The following LUZP2 variants were observed in gnomAD, a reference collection of about 807,000 sequenced individuals.
The protein encoded by LUZP2 is leucine zipper protein 2.
In LUZP2, 52 loss-of-function variants were observed where a neutral mutation model predicts 51.6. That is an observed-to-expected ratio of 1.01 (90% CI 0.81 to 1.27). LUZP2 has a LOEUF of 1.27. Ranked by LOEUF, LUZP2 falls within the 50% of genes most tolerant of loss-of-function variation. The probability of loss-of-function intolerance (pLI) is 0.00; values close to 1 mark genes in which losing one functional copy is unlikely to be tolerated. For synonymous variants in LUZP2, 154 were observed against 137.3 expected (o/e 1.12, Z -0.85); for missense variants, 436 against 395.4 (o/e 1.10, Z -0.87).
intron 1 of LUZP2, among the ~76,000 whole-genome samples, chr11:24,568,583 A>G (rs956910947): frequency 2.6e-5 from 4 of 152,028 alleles, no homozygotes; most frequent in African/African-American, 9.7e-5. Flanking sequence ...GTTTAGAAAT[A>G]TGCTGTAATG....
intron 5 of LUZP2, among the ~76,000 whole-genome samples, chr11:24,779,591 T>C (rs1184165092): frequency 1.3e-5 from 2 of 152,322 alleles, no homozygotes; most frequent in African/African-American, 2.4e-5. Flanking sequence ...TAAATATTAC[T>C]CGTGGCATAT....
chr11:24,654,018 CTT>C (rs1855721755), intron 1 of LUZP2, among the ~76,000 whole-genome samples: 1 of 152,150 alleles, frequency 6.6e-6, no homozygotes, highest in African/African-American at 2.4e-5. Context: ...TGAATAAAGA[CTT>C]TTAAACAATT....
chr11:24,943,449 C>A (rs1407925897), intron 7 of LUZP2, among the ~76,000 whole-genome samples: 1 of 152,156 alleles, frequency 6.6e-6, no homozygotes, highest in Admixed American at 6.5e-5. Flanking sequence ...ACTGCCATAG[C>A]ACTCTGAGTG....
intron 9 of LUZP2, among the ~76,000 whole-genome samples, chr11:24,994,237 C>A (rs1407822447): frequency 1.4e-5 from 2 of 142,412 alleles, no homozygotes; most frequent in African/African-American, 2.7e-5. Context: ...CATAGATTAT[C>A]TCCTATTTTT....
At chr11:25,078,140 A>C (rs1279937475) in intron 11 of LUZP2, among the ~76,000 whole-genome samples, 1 of 152,164 alleles carries the variant, frequency 6.6e-6, no homozygotes, top group Non-Finnish European at 1.5e-5. Flanking sequence ...AACAAAATAA[A>C]CACAAGTCAA....
At chr11:24,518,350 T>G (rs186415512) in intron 1 of LUZP2, among the ~76,000 whole-genome samples, 1 of 152,244 alleles carries the variant, frequency 6.6e-6, no homozygotes, top group Admixed American at 6.5e-5. Flanking sequence ...TTGTTAAAGA[T>G]CTTTGATTAT....
chr11:24,587,774 G>A (rs1853122496), intron 1 of LUZP2, among the ~76,000 whole-genome samples: 3 of 152,084 alleles, frequency 2.0e-5, no homozygotes, highest in Admixed American at 2.0e-4. Flanking sequence ...TTTCAGTCTA[G>A]ACAGTTTTTT....
intron 5 of LUZP2, among the ~76,000 whole-genome samples, chr11:24,894,418 A>G (rs942255837): frequency 6.6e-6 from 1 of 151,982 alleles, no homozygotes; most frequent in Non-Finnish European, 1.5e-5. Context: ...CAAGTGATTC[A>G]CCCGCCTCGG....
chr11:25,054,019 C>G (rs1161338555), intron 10 of LUZP2, among the ~76,000 whole-genome samples: 1 of 152,142 alleles, frequency 6.6e-6, no homozygotes, highest in Non-Finnish European at 1.5e-5. Flanking sequence ...GTATTTCATG[C>G]TAGTCCATAT....
chr11:24,801,655 A>T (rs1366143872), intron 5 of LUZP2, among the ~76,000 whole-genome samples: 1 of 151,766 alleles, frequency 6.6e-6, no homozygotes, highest in Non-Finnish European at 1.5e-5. Context: ...ATTAAAAGAA[A>T]TTTTTAAGGA....
At chr11:24,813,462 G>A (rs1376893005) in intron 5 of LUZP2, among the ~76,000 whole-genome samples, 1 of 152,116 alleles carries the variant, frequency 6.6e-6, no homozygotes, top group Non-Finnish European at 1.5e-5. Flanking sequence ...GGGGGAGCAG[G>A]CACATCACAT....
At chr11:25,057,278 T>A (rs1454840760) in intron 10 of LUZP2, among the ~76,000 whole-genome samples, 1 of 152,120 alleles carries the variant, frequency 6.6e-6, no homozygotes, top group Non-Finnish European at 1.5e-5. Flanking sequence ...TTTTTAGATA[T>A]CTTTGTTGCT....
chr11:24,964,999 G>A (rs1380452648), intron 7 of LUZP2, among the ~76,000 whole-genome samples: 1 of 151,628 alleles, frequency 6.6e-6, no homozygotes, highest in African/African-American at 2.4e-5. Context: ...GTAGTTCAGA[G>A]TCTAGAACCT....
At chr11:24,926,356 C>CGT (rs200869245) in intron 7 of LUZP2, among the ~76,000 whole-genome samples, 494 of 17,348 alleles carry the variant, frequency 0.028, 22 homozygotes, top group South Asian at 0.097. Flanking sequence ...TATATATATA[C>CGT]GTGTGTATAT....
At chr11:24,816,915 C>T (rs534027548) in intron 5 of LUZP2, among the ~76,000 whole-genome samples, 60 of 151,836 alleles carry the variant, frequency 4.0e-4, no homozygotes, top group Middle Eastern at 3.4e-3. Flanking sequence ...ACATTTTGGC[C>T]GAAACCAAGC....
At chr11:24,840,716 C>A (rs1851003226) in intron 5 of LUZP2, among the ~76,000 whole-genome samples, 2 of 151,860 alleles carry the variant, frequency 1.3e-5, no homozygotes, top group African/African-American at 4.8e-5. Context: ...AGGTAATTTT[C>A]CAAGGTTACC....
At chr11:24,521,644 A>G (rs1425582871) in intron 1 of LUZP2, among the ~76,000 whole-genome samples, 1 of 152,156 alleles carries the variant, frequency 6.6e-6, no homozygotes, top group African/African-American at 2.4e-5. Context: ...TACCACATTT[A>G]GCTTAATTAA....
chr11:24,748,445 G>A (rs1487969014), intron 4 of LUZP2, among the ~76,000 whole-genome samples: 1 of 151,352 alleles, frequency 6.6e-6, no homozygotes, highest in African/African-American at 2.4e-5. Context: ...TAGAGGGTGT[G>A]TCTATTCTTG....
chr11:24,814,542 A>G (rs1033713900), intron 5 of LUZP2, among the ~76,000 whole-genome samples: 7 of 152,076 alleles, frequency 4.6e-5, no homozygotes, highest in African/African-American at 1.7e-4. Flanking sequence ...TTTTTCTTTA[A>G]GTTTTACTTC....
Sources: allele counts gnomAD v4.1 joint callset (sites outside exome capture counted in the v4.1 genomes callset), GRCh38; gene constraint gnomAD v4.1.1; transcripts MANE v1.5; gene names NCBI Gene and HGNC (gene_info 2026-07-23, HGNC 2026-07-21).